The following SH3GL2 variants were observed in gnomAD, a reference collection of about 807,000 sequenced individuals.
SH3GL2 encodes the protein endophilin-A1.
A neutral mutation model predicts 46.0 loss-of-function variants in SH3GL2; 24 were observed. The observed-to-expected ratio is 0.52, with a 90% confidence interval of 0.38 to 0.73. SH3GL2 has a LOEUF of 0.73. SH3GL2 is among the 30% of genes least tolerant of loss of function. The pLI, the probability that SH3GL2 is intolerant of heterozygous loss-of-function variation, is 0.00. For missense variants in SH3GL2, 413 were observed against 424.2 expected (o/e 0.97, Z 0.23); for synonymous variants, 196 against 147.1 (o/e 1.33, Z -2.40).
chr9:17,590,822 C>T (rs533587696), intron 1 of SH3GL2: 3 of 152,314 alleles, frequency 2.0e-5, no homozygotes, highest in East Asian at 3.9e-4. Flanking sequence ...GTCGCAGTGG[C>T]GTGACCACGA....
chr9:17,794,036 T>C (rs1407061989), intron 8 of SH3GL2, among the ~76,000 whole-genome samples: 1 of 152,252 alleles, frequency 6.6e-6, no homozygotes, highest in Non-Finnish European at 1.5e-5. Flanking sequence ...CGACACTTGC[T>C]GGGTTTTCCT....
At chr9:17,614,770 C>T (rs780398051) in intron 1 of SH3GL2, among the ~76,000 whole-genome samples, 1 of 152,072 alleles carries the variant, frequency 6.6e-6, no homozygotes, top group Non-Finnish European at 1.5e-5. Context: ...GGCTGCTGTC[C>T]TTTTCTACCA....
At position 17,660,386 on chromosome 9, in the gene SH3GL2, T is replaced by C. The variant is rs373336118; in HGVS notation, c.45+81099T>C. Among the ~76,000 whole-genome samples, 38 of 152,284 alleles carry C rather than the reference T, an allele frequency of 2.5e-4. 1 individual carries two copies. The highest frequency in any genetic ancestry group is 9.1e-4 in the African/African-American group (38 of 41,548). On this transcript the variant is annotated intron_variant, in intron 1 of 8. Transcript: ENST00000380607. ...AGTTTTCCACAGAACTGCTGCTGCC[T>C]ACAGCGTTCTACCCTGACTGTTCAT...
Position 17,681,627 on chromosome 9 carries a change from C to G in SH3GL2, c.46-65439C>G, listed in dbSNP as rs559417624. 6.1e-4 allele frequency among the ~76,000 whole-genome samples: 75 copies of G among 123,422 alleles called. No individual in the cohort carries two copies. The Middle Eastern group carries it at 0.016, about 26-fold the overall frequency. The allele number at this position is 123,422 out of a possible 152,430, so 81.0% of individuals were successfully genotyped here. A position where few individuals can be genotyped will look rare whatever the true frequency, so the allele number is the denominator to read the frequency against. ...AGAAGAAAACCTAGGCAGTGCCATT[C>G]AAGACATAGGCATGGGAAAAGACTT... is the stretch of plus-strand genomic sequence containing the variant. On this transcript the variant is annotated intron_variant, in intron 1 of 8. Transcript: ENST00000380607.
At chr9:17,635,889 T>G (rs534054595) in intron 1 of SH3GL2, among the ~76,000 whole-genome samples, 44 of 152,280 alleles carry the variant, frequency 2.9e-4, no homozygotes, top group African/African-American at 9.9e-4. Flanking sequence ...AAATGGCAGT[T>G]TCTATTTTCT....
chr9:17,656,650 A>G (rs1563800319), intron 1 of SH3GL2, among the ~76,000 whole-genome samples: 1 of 151,652 alleles, frequency 6.6e-6, no homozygotes, highest in Non-Finnish European at 1.5e-5. Flanking sequence ...TTATATTCAG[A>G]TCTATTGAGG....
intron 1 of SH3GL2, among the ~76,000 whole-genome samples, chr9:17,731,534 A>G (rs67874049): frequency 0.29 from 44,431 of 151,876 alleles, 7,795 homozygotes; most frequent in African/African-American, 0.47. Context: ...GTGAGAAGGC[A>G]AAGGCAGCGT....
intron 1 of SH3GL2, among the ~76,000 whole-genome samples, chr9:17,741,766 G>T (rs1822534733): frequency 1.3e-5 from 2 of 152,158 alleles, no homozygotes; most frequent in South Asian, 4.1e-4. Flanking sequence ...TCCATTAACA[G>T]CTTACAATTC....
chr9:17,675,735 A>G lies in SH3GL2; in HGVS notation c.46-71331A>G, dbSNP rs58056872. On this transcript the variant is annotated intron_variant, in intron 1 of 8. Coordinates refer to ENST00000380607, the MANE Select transcript of SH3GL2 (RefSeq NM_003026.5). ...GCCGAGGCGGGAGGATCACGAGGTC[A>G]GGAGATTGAGACCATCCTGGCTCAC... is the stretch of plus-strand genomic sequence containing the variant. Among the ~76,000 whole-genome samples the G allele has an allele frequency of 5.1e-3, 782 of 152,306 alleles. 8 individuals are homozygous for G. The highest frequency in any genetic ancestry group is 0.018 in the African/African-American group (755 of 41,568).
intron 1 of SH3GL2, among the ~76,000 whole-genome samples, chr9:17,694,808 C>G (rs1468995267): frequency 6.6e-6 from 1 of 152,142 alleles, no homozygotes; most frequent in African/African-American, 2.4e-5. Flanking sequence ...AAATGTCAAA[C>G]TTCACATTTA....
intron 1 of SH3GL2, among the ~76,000 whole-genome samples, chr9:17,728,398 T>C (rs1001188512): frequency 6.6e-6 from 1 of 152,168 alleles, no homozygotes; most frequent in Non-Finnish European, 1.5e-5. Context: ...AGCAGAATGG[T>C]GGTGGTATCT....
intron 1 of SH3GL2, among the ~76,000 whole-genome samples, chr9:17,654,240 A>T (rs915570434): frequency 3.9e-5 from 6 of 152,184 alleles, no homozygotes; most frequent in African/African-American, 1.4e-4. Context: ...AGACTGAATC[A>T]TCCTTTCTCT....
At chr9:17,794,840 A>G (rs1415649864) in intron 8 of SH3GL2, among the ~76,000 whole-genome samples, 2 of 152,216 alleles carry the variant, frequency 1.3e-5, no homozygotes, top group Admixed American at 6.5e-5. Context: ...CTTACCAAGT[A>G]TAAATTACAA....
intron 1 of SH3GL2, among the ~76,000 whole-genome samples, chr9:17,746,356 G>A (rs941469499): frequency 6.6e-6 from 1 of 152,188 alleles, no homozygotes; most frequent in Non-Finnish European, 1.5e-5. Flanking sequence ...GATTACAGGT[G>A]TGAGTCACTG....
chr9:17,784,177 C>T (rs753517736), intron 3 of SH3GL2, among the ~76,000 whole-genome samples: 1 of 151,984 alleles, frequency 6.6e-6, no homozygotes, highest in Non-Finnish European at 1.5e-5. Context: ...CTTTCTTCCT[C>T]CTTCTTATGA....
chr9:17,693,396 T>G (rs569256957), intron 1 of SH3GL2, among the ~76,000 whole-genome samples: 2 of 152,302 alleles, frequency 1.3e-5, no homozygotes, highest in South Asian at 4.1e-4. Flanking sequence ...AAAGATGAAC[T>G]AAATATCCAA....
intron 1 of SH3GL2, among the ~76,000 whole-genome samples, chr9:17,740,969 T>C (rs1018875257): frequency 6.6e-6 from 1 of 152,136 alleles, no homozygotes; most frequent in Admixed American, 6.6e-5. Flanking sequence ...CTGGAATTCA[T>C]GTGTCTTGAC....
At chr9:17,773,721 C>G (rs1177409222) in intron 3 of SH3GL2, among the ~76,000 whole-genome samples, 2 of 151,966 alleles carry the variant, frequency 1.3e-5, no homozygotes, top group Admixed American at 6.6e-5. Context: ...AGTGAGTTTT[C>G]AAATCAGGAG....
At chr9:17,676,585 G>A (rs1820617766) in intron 1 of SH3GL2, among the ~76,000 whole-genome samples, 1 of 152,186 alleles carries the variant, frequency 6.6e-6, no homozygotes, top group Admixed American at 6.5e-5. Flanking sequence ...CAGCCTGGGT[G>A]ACAGAGCAAG....
Sources: allele counts gnomAD v4.1 joint callset (sites outside exome capture counted in the v4.1 genomes callset), GRCh38; gene constraint gnomAD v4.1.1; transcripts MANE v1.5; gene names NCBI Gene and HGNC (gene_info 2026-07-23, HGNC 2026-07-21).